The following CHP1 variants were observed in gnomAD, a reference collection of about 807,000 sequenced individuals.
CHP1 encodes the protein calcineurin like EF-hand protein 1.
A neutral mutation model predicts 27.4 loss-of-function variants in CHP1; 11 were observed. The observed-to-expected ratio is 0.40, with a 90% CI of 0.25 to 0.67. CHP1 has a LOEUF of 0.67. Ranked by LOEUF, CHP1 falls within the 30% of genes least tolerant of loss-of-function variation. The pLI, the probability that CHP1 is intolerant of heterozygous loss-of-function variation, is 0.38. For missense variants in CHP1, 169 were observed against 251.3 expected (o/e 0.67, Z 2.22); for synonymous variants, 89 against 87.4 (o/e 1.02, Z -0.10).
intron 2 of CHP1, among the ~76,000 whole-genome samples, chr15:41,249,023 G>A (rs868276235): frequency 3.3e-5 from 5 of 151,996 alleles, no homozygotes; most frequent in African/African-American, 1.2e-4. Context: ...TGGCCTAACT[G>A]GGAACTCTTC....
intron 1 of CHP1, among the ~76,000 whole-genome samples, chr15:41,233,191 A>G (rs528621951): frequency 5.9e-5 from 9 of 152,322 alleles, no homozygotes; most frequent in African/African-American, 2.2e-4. Context: ...CCACATTTGT[A>G]ATTAGTACTA....
chr15:41,242,318 A>G (rs538362442), intron 1 of CHP1, among the ~76,000 whole-genome samples: 184 of 152,316 alleles, frequency 1.2e-3, no homozygotes, highest in African/African-American at 4.4e-3. Flanking sequence ...AGAGTTTTAA[A>G]ATAGAATCTG....
At chr15:41,257,283 G>T (rs1389336909) in intron 3 of CHP1, among the ~76,000 whole-genome samples, 1 of 151,926 alleles carries the variant, frequency 6.6e-6, no homozygotes, top group Non-Finnish European at 1.5e-5. Context: ...TTACAAAAAA[G>T]TTGCAAAAGT....
rs544658200 is a variant in CHP1 at position 41,265,363 on chromosome 15, CAAAAAAAAAAAAAAAAAAA to C, written c.349+2494_349+2512del. On this transcript the variant is annotated intron_variant, in intron 4 of 6. Transcript: ENST00000334660. ...TGGGTGATAGAGCGAGACTCTGTCT[CAAAAAAAAAAAAAAAAAAA>C]AAAAAAAAAAAAAGGAGATGTGTTA... is the stretch of plus-strand genomic sequence containing the variant. Among the ~76,000 whole-genome samples the C allele has an allele frequency of 1.4e-4, 5 of 36,920 alleles. No homozygotes were observed. The South Asian group carries it at 5.3e-3, about 39-fold the overall frequency. The allele number at this position is 36,920 out of a possible 152,430, so 24.2% of individuals were successfully genotyped here.
At chr15:41,265,857 T>C (rs1225248461) in intron 4 of CHP1, among the ~76,000 whole-genome samples, 2 of 152,192 alleles carry the variant, frequency 1.3e-5, no homozygotes, top group Non-Finnish European at 2.9e-5. Context: ...AGAATTTTAA[T>C]CACGATCAGC....
chr15:41,270,213 AT>A (rs1284447883), intron 4 of CHP1, among the ~76,000 whole-genome samples: 1 of 151,538 alleles, frequency 6.6e-6, no homozygotes, highest in East Asian at 1.9e-4. Flanking sequence ...TACCTGGTAG[AT>A]TTGATGTTTG....
intron 2 of CHP1, among the ~76,000 whole-genome samples, chr15:41,248,042 GTTACCA>G (rs1353132421): frequency 6.6e-6 from 1 of 152,052 alleles, no homozygotes; most frequent in Non-Finnish European, 1.5e-5. Context: ...CAATCTGTAA[GTTACCA>G]TTTCACAGCC....
intron 5 of CHP1, among the ~76,000 whole-genome samples, chr15:41,277,652 G>A (rs940420798): frequency 6.6e-6 from 1 of 152,156 alleles, no homozygotes; most frequent in African/African-American, 2.4e-5. Flanking sequence ...GCTGGGTGTG[G>A]TGTCACATCC....
intron 3 of CHP1, among the ~76,000 whole-genome samples, chr15:41,261,415 C>T (rs1249082732): frequency 6.6e-6 from 1 of 152,018 alleles, no homozygotes; most frequent in African/African-American, 2.4e-5. Flanking sequence ...CTCAGCCTCC[C>T]AAAGTATTAG....
Position 41,246,608 on chromosome 15 carries a change from GTGCCTGGCCAAAAAGCTTTTTTTT to G in CHP1, c.140+2871_140+2894del, listed in dbSNP as rs1359329342. Among the ~76,000 whole-genome samples the G allele has an allele frequency of 9.7e-5, 14 of 144,302 alleles. No individual in the cohort carries two copies. The Admixed American group carries it at 9.9e-4, about 10-fold the overall frequency. The allele number at this position is 144,302 out of a possible 152,430, so 94.7% of individuals were successfully genotyped here. A position where few individuals can be genotyped will look rare whatever the true frequency, so the allele number is the denominator to read the frequency against. ...GCTGGGATTAAAGGTGCGAGCCACC[GTGCCTGGCCAAAAAGCTTTTTTTT>G]TTTTTTTTTTTTTTTTTTGAGAGAG... On this transcript the variant is annotated intron_variant, in intron 2 of 6. Transcript: ENST00000334660.
chr15:41,238,567 C>T (rs1352288767), intron 1 of CHP1, among the ~76,000 whole-genome samples: 1 of 151,752 alleles, frequency 6.6e-6, no homozygotes, highest in African/African-American at 2.4e-5. Flanking sequence ...TAGCAGGGCA[C>T]GGTGGCTCAT....
intron 5 of CHP1, among the ~76,000 whole-genome samples, chr15:41,275,303 C>T (rs1305627287): frequency 2.0e-5 from 3 of 151,812 alleles, no homozygotes; most frequent in African/African-American, 4.8e-5. Flanking sequence ...TACAGGTGCC[C>T]GCCACCATGC....
chr15:41,260,733 G>C (rs572295821), intron 3 of CHP1, among the ~76,000 whole-genome samples: 1 of 151,488 alleles, frequency 6.6e-6, no homozygotes, highest in East Asian at 2.0e-4. Context: ...AATTATGAGG[G>C]AATAATAAAA....
intron 1 of CHP1, among the ~76,000 whole-genome samples, chr15:41,237,040 A>G (rs969043007): frequency 4.0e-5 from 6 of 151,744 alleles, no homozygotes; most frequent in African/African-American, 1.5e-4. Context: ...CACGTTGGCC[A>G]GGCTGGTCTC....
At chr15:41,243,402 G>A (rs1284320635) in intron 1 of CHP1, among the ~76,000 whole-genome samples, 1 of 152,208 alleles carries the variant, frequency 6.6e-6, no homozygotes, top group African/African-American at 2.4e-5. Context: ...CCTTTGTTTT[G>A]TTAAATCTTA....
intron 4 of CHP1, among the ~76,000 whole-genome samples, chr15:41,268,790 TA>T (rs1465918952): frequency 6.6e-6 from 1 of 151,644 alleles, no homozygotes; most frequent in Non-Finnish European, 1.5e-5. Flanking sequence ...CTGTCTGTAC[TA>T]AAAACACACA....
At position 41,255,763 on chromosome 15, in the gene CHP1, C is replaced by T. The variant is rs182218805; in HGVS notation, c.141-1147C>T. ...ACCGTGGCTCACTCCTGTAATCCCA[C>T]CCAGCACTTTGGGAGGCCGAGGCCG... On this transcript the variant is annotated intron_variant, in intron 2 of 6. Coordinates refer to ENST00000334660, the MANE Select transcript of CHP1 (RefSeq NM_007236.5). 8.0e-3 allele frequency among the ~76,000 whole-genome samples: 1,215 copies of T among 151,804 alleles called. 21 individuals carry two copies. The highest frequency in any genetic ancestry group is 0.028 in the African/African-American group (1,168 of 41,388).
rs958016795 is a variant in CHP1 at position 41,261,062 on chromosome 15, GATTA to G, written c.222-1690_222-1687del. Among the ~76,000 whole-genome samples, 29 of 151,848 alleles carry G rather than the reference GATTA, an allele frequency of 1.9e-4. 1 individual carries two copies. Among genetic ancestry groups the G allele is most frequent in the African/African-American group, 6.5e-4 (27 of 41,432 alleles). ...ACCATGCCTGGCTGATTGATTGATT[GATTA>G]ATTGATTGATTCCTTCCTTCCTTCC... is the stretch of plus-strand genomic sequence containing the variant. On this transcript the variant is annotated intron_variant, in intron 3 of 6. Coordinates refer to ENST00000334660, the MANE Select transcript of CHP1 (RefSeq NM_007236.5).
chr15:41,256,849 C>CTCCTG, intron 2 of CHP1, 61 bp from the exon 3 acceptor site: 1 of 1,383,896 alleles, frequency 7.2e-7, no homozygotes, highest in South Asian at 1.2e-5. Flanking sequence ...TACCTCCTGA[C>CTCCTG]TTAAGGAGTT....
Sources: gnomAD v4.1 joint callset for allele counts (sites outside exome capture counted in the v4.1 genomes callset) on GRCh38, gnomAD v4.1.1 for gene constraint, MANE v1.5 for transcripts, NCBI Gene and HGNC (gene_info 2026-07-23, HGNC 2026-07-21) for gene names.